CHRNA4: variants seen among roughly 807,000 people sequenced by gnomAD.
CHRNA4 encodes neuronal acetylcholine receptor subunit alpha-4.
A neutral mutation model predicts 48.9 loss-of-function variants in CHRNA4; 28 were observed. The observed-to-expected ratio is 0.57, with a 90% CI of 0.42 to 0.79. The LOEUF is 0.79. CHRNA4 is among the 30% of genes least tolerant of loss of function. CHRNA4 has a pLI of 0.00. For synonymous variants in CHRNA4, 425 were observed against 402.3 expected (o/e 1.06, Z -0.68); for missense variants, 859 against 898.4 (o/e 0.96, Z 0.56).
Position 63,346,845 on chromosome 20 carries a change from A to C in CHRNA4, c.1777T>G (p.Tyr593Asp), listed in dbSNP as rs1171965869. The C allele has an allele frequency of 1.2e-6, 2 of 1,612,538 alleles. No individual in the cohort carries two copies. Among genetic ancestry groups the C allele is most frequent in the African/African-American group, 1.3e-5 (1 of 75,006 alleles). ...ATGCGGTCGATGACCATGGCCACGT[A>C]CTTCCAGTCCTCCTTCACCTGCAAG... ...TDFSVKEDWK[Y>D]VAMVIDRIFL... The change falls in exon 6 of 6, where the codon TAC (tyrosine) becomes GAC (aspartate). Residue 593 changes from tyrosine to aspartate, a missense_variant. By Grantham distance (160) the Tyr-to-Asp change is radical. Transcript: ENST00000370263.
intron 5 of CHRNA4, 75 bp from the exon 6 acceptor site, chr20:63,346,938 C>T (rs1601466561): frequency 2.5e-6 from 4 of 1,601,532 alleles, no homozygotes; most frequent in Admixed American, 1.7e-5. Context: ...ACCCCGGCGC[C>T]GCCGGCAACA....
At chr20:63,357,188 A>ACCGTGTC (rs2068734730) in intron 2 of CHRNA4, among the ~76,000 whole-genome samples, 1 of 7,862 alleles carries the variant, frequency 1.3e-4, no homozygotes, top group Admixed American at 2.6e-3. Flanking sequence ...CAGGACCACA[A>ACCGTGTC]CCCACAGGAC....
intron 4 of CHRNA4, chr20:63,355,650 A>G: frequency 8.2e-7 from 1 of 1,217,262 alleles, no homozygotes; most frequent in South Asian, 1.3e-5. Flanking sequence ...CCCAGGCCTC[A>G]GGACTGGTCC....
chr20:63,352,134 G>A (rs933179170), intron 4 of CHRNA4, among the ~76,000 whole-genome samples: 1 of 151,874 alleles, frequency 6.6e-6, no homozygotes, highest in African/African-American at 2.4e-5. Context: ...CTGCCAAGCT[G>A]CCTGGACCCC....
chr20:63,349,122 T>A (rs1213622200), intron 5 of CHRNA4, among the ~76,000 whole-genome samples: 1 of 152,126 alleles, frequency 6.6e-6, no homozygotes, highest in Non-Finnish European at 1.5e-5. Context: ...CTGATGGTCT[T>A]GGAGCTGTGT....
rs1328533872 is a variant in CHRNA4 at position 63,344,914 on chromosome 20, G to A, written c.*1824C>T. ...CACGGGGGATGTGGGAGGGGCCAGG[G>A]GGCTGGGGATGCCCAGGATTTGGCA... On this transcript the variant is annotated 3_prime_UTR_variant, in exon 6 of 6. Coordinates refer to ENST00000370263, the MANE Select transcript of CHRNA4 (RefSeq NM_000744.7). The surrounding 1 kb of genome is among the most constrained non-coding windows in gnomAD (Gnocchi z 4.5). 1 of 405,186 alleles carries A rather than the reference G, an allele frequency of 2.5e-6. No homozygotes were observed. The highest frequency in any genetic ancestry group is 5.0e-6 in the Non-Finnish European group (1 of 198,972). The allele number at this position is 405,186 out of a possible 1,614,324, so 25.1% of individuals were successfully genotyped here. A position where few individuals can be genotyped will look rare whatever the true frequency, so the allele number is the denominator to read the frequency against.
chr20:63,349,560 G>C, intron 5 of CHRNA4, 93 bp downstream of exon 5: 1 of 1,523,834 alleles, frequency 6.6e-7, no homozygotes, highest in Non-Finnish European at 9.0e-7. Flanking sequence ...CTGAGGCCTG[G>C]GCCCGGCTCC....
At chr20:63,356,293 G>A (rs2068718244) in intron 3 of CHRNA4, 78 bp downstream of exon 3, 4 of 1,229,646 alleles carry the variant, frequency 3.3e-6, no homozygotes, top group Admixed American at 2.2e-5. Flanking sequence ...CCAGGGTGGG[G>A]CAGGGCCAGG....
intron 5 of CHRNA4, among the ~76,000 whole-genome samples, chr20:63,347,648 G>A (rs1207359217): frequency 6.6e-6 from 1 of 152,238 alleles, no homozygotes; most frequent in Non-Finnish European, 1.5e-5. Flanking sequence ...CACTCATGCC[G>A]CTGGCCACTG....
rs1401949952 is a variant in CHRNA4 at position 63,346,402 on chromosome 20, C to A, written c.*336G>T. Reference sequence around the variant, plus strand: ...GACCATCACCAGATCTGCTGAGAGACTGGGAGGAGTGAGTTCCATCTGCAG... The same window carrying A: ...GACCATCACCAGATCTGCTGAGAGAATGGGAGGAGTGAGTTCCATCTGCAG... On this transcript the variant is annotated 3_prime_UTR_variant, in exon 6 of 6. Coordinates refer to ENST00000370263, the MANE Select transcript of CHRNA4 (RefSeq NM_000744.7). The A allele has an allele frequency of 3.9e-6, 2 of 512,572 alleles. No homozygotes were observed. Among genetic ancestry groups the A allele is most frequent in the East Asian group, 1.0e-4 (2 of 19,846 alleles). 31.8% of individuals were successfully genotyped at this position (512,572 alleles called of 1,614,324 possible). A position where few individuals can be genotyped will look rare whatever the true frequency, so the allele number is the denominator to read the frequency against.
intron 4 of CHRNA4, chr20:63,354,567 C>T: frequency 1.2e-6 from 1 of 851,746 alleles, no homozygotes; most frequent in Non-Finnish European, 1.4e-6. Flanking sequence ...GGGCCGTGGT[C>T]CTGGTGAGGC....
chr20:63,357,155 GTCTCC>G (rs2068733292), intron 2 of CHRNA4, among the ~76,000 whole-genome samples: 1 of 131,044 alleles, frequency 7.6e-6, no homozygotes, highest in African/African-American at 3.4e-5. Context: ...ACAGGACCAC[GTCTCC>G]ACAGGACCAC....
At position 63,345,868 on chromosome 20, in the gene CHRNA4, C is replaced by T. The variant is rs201177264; in HGVS notation, c.*870G>A. On this transcript the variant is annotated 3_prime_UTR_variant, in exon 6 of 6. Coordinates refer to ENST00000370263, the MANE Select transcript of CHRNA4 (RefSeq NM_000744.7). The surrounding 1 kb of genome is among the most constrained non-coding windows in gnomAD (Gnocchi z 5.4). ...GACTCCATTCGGGACCTTCCCAGCT[C>T]CGGGGAATCACAACACAGAAGTACC... The T allele has an allele frequency of 4.4e-6, 2 of 453,056 alleles. No individual in the cohort carries two copies. Among genetic ancestry groups the T allele is most frequent in the Non-Finnish European group, 8.8e-6 (2 of 226,012 alleles). 28.1% of individuals were successfully genotyped at this position (453,056 alleles called of 1,614,324 possible). A position where few individuals can be genotyped will look rare whatever the true frequency, so the allele number is the denominator to read the frequency against.
intron 4 of CHRNA4, among the ~76,000 whole-genome samples, chr20:63,353,767 T>TG (rs2068659929): frequency 4.4e-5 from 1 of 22,796 alleles, no homozygotes; most frequent in Non-Finnish European, 8.1e-5. Context: ...GCTGTAGTCC[T>TG]AGGGGGCTGC....
chr20:63,351,584 C>T (rs563091491), intron 4 of CHRNA4, among the ~76,000 whole-genome samples: 2 of 152,322 alleles, frequency 1.3e-5, no homozygotes, highest in South Asian at 2.1e-4. Flanking sequence ...CAGCTTCTGC[C>T]GTTAACCCCA....
chr20:63,350,447 C>G lies in CHRNA4; in HGVS notation c.964G>C (p.Val322Leu). ...ACGTTGAGCACGAAGACCGTGATGA[C>G]GATGGACAGGGTGACGAAGATCATG... The part of the protein sequence containing the change: ...FTMIFVTLSI[V>L]ITVFVLNVHH... Residue 322 changes from valine (V) to leucine (L), a missense_variant, in exon 5 of 6, where the codon GTC becomes CTC. Physicochemically the swap from Val to Leu is conservative, Grantham distance 32. Around this residue, in one of 3 missense-constraint regions of CHRNA4, gnomAD observed 478 missense variants for 455.4 expected, o/e 1.05. Coordinates refer to ENST00000370263, the MANE Select transcript of CHRNA4 (RefSeq NM_000744.7). 1 of 1,613,844 alleles carries G rather than the reference C, an allele frequency of 6.2e-7. No homozygotes were observed. The highest frequency in any genetic ancestry group is 8.5e-7 in the Non-Finnish European group (1 of 1,180,020).
intron 5 of CHRNA4, among the ~76,000 whole-genome samples, chr20:63,348,846 C>T (rs1051725324): frequency 6.6e-6 from 1 of 150,956 alleles, no homozygotes; most frequent in Non-Finnish European, 1.5e-5. Context: ...AGGGAAGCTA[C>T]CTGGTGCTGG....
At chr20:63,359,492 G>A (rs2068769090) in intron 2 of CHRNA4, 56 bp downstream of exon 2, 2 of 1,608,078 alleles carry the variant, frequency 1.2e-6, no homozygotes, top group African/African-American at 2.7e-5. Flanking sequence ...CCAGACCCCT[G>A]TGCTCCTTGC....
rs1233031726 is a variant in CHRNA4, at chr20:63,359,454, T to C, written c.228+94A>G. On this transcript the variant is annotated intron_variant, in intron 2 of 5. Transcript: ENST00000370263. ...GCCGGACACTCACAGCCACGGGGAG[T>C]GTTGATGGCTGTGTCCCCTCTGCCC... The C allele has an allele frequency of 2.7e-6, 4 of 1,502,786 alleles. No homozygotes were observed. The Admixed American group carries it at 6.9e-5, about 26-fold the overall frequency. The allele number at this position is 1,502,786 out of a possible 1,614,324, so 93.1% of individuals were successfully genotyped here.
Sources: allele counts gnomAD v4.1 joint callset (sites outside exome capture counted in the v4.1 genomes callset), GRCh38; gene constraint gnomAD v4.1.1; regional missense constraint gnomAD v4.1.1; non-coding constraint Gnocchi (gnomAD v3.1); transcripts MANE v1.5; gene names NCBI Gene and HGNC (gene_info 2026-07-23, HGNC 2026-07-21).